Variants in NCAM2 observed in about 807,000 individuals in gnomAD.
NCAM2 encodes N-CAM-2.
NCAM2 carries 30 observed loss-of-function variants against 98.1 expected under a neutral mutation model. The ratio of observed to expected loss-of-function variants is 0.31; its 90% confidence interval spans 0.23 to 0.41. The LOEUF is 0.41. Among genes scored for constraint, NCAM2 ranks in the 10% least tolerant of loss-of-function variants. The pLI, the probability that NCAM2 is intolerant of heterozygous loss-of-function variation, is 1.00. For synonymous variants in NCAM2, 368 were observed against 342.4 expected, an observed-to-expected ratio of 1.07 and a Z score of -0.83; for missense variants, 867 against 1,005.8, an observed-to-expected ratio of 0.86 and a Z score of 1.87.
At chr21:21,050,088 T>C (rs949360059) in intron 1 of NCAM2, among the ~76,000 whole-genome samples, 1 of 151,950 alleles carries the variant, frequency 6.6e-6, no homozygotes, top group Non-Finnish European at 1.5e-5. Flanking sequence ...AACTAGACTT[T>C]GCAAAATTTG....
At chr21:21,350,873 G>T (rs2075315127) in intron 8 of NCAM2, among the ~76,000 whole-genome samples, 1 of 150,290 alleles carries the variant, frequency 6.7e-6, no homozygotes, top group Admixed American at 6.6e-5. Context: ...GGATCACGAG[G>T]TCAGGAGATG....
intron 5 of NCAM2, among the ~76,000 whole-genome samples, chr21:21,297,060 T>G (rs2073514184): frequency 6.6e-6 from 1 of 151,712 alleles, no homozygotes; most frequent in Non-Finnish European, 1.5e-5. Flanking sequence ...TACCTAAGGT[T>G]TTTGGACTTA....
intron 1 of NCAM2, among the ~76,000 whole-genome samples, chr21:21,166,701 T>G (rs2067963537): frequency 1.3e-5 from 2 of 152,320 alleles, no homozygotes; most frequent in East Asian, 3.9e-4. Flanking sequence ...ACCCAGTCAT[T>G]AAAAGTTATT....
chr21:21,473,424 T>C (rs1397065365), intron 14 of NCAM2, among the ~76,000 whole-genome samples: 1 of 147,828 alleles, frequency 6.8e-6, no homozygotes, highest in Non-Finnish European at 1.5e-5. Context: ...ATCAATCACC[T>C]CTCTGACATT....
chr21:21,099,280 C>T (rs188954254), intron 1 of NCAM2, among the ~76,000 whole-genome samples: 1 of 151,876 alleles, frequency 6.6e-6, no homozygotes, highest in South Asian at 2.1e-4. Context: ...TTGGTGTCAC[C>T]TGGCTCAGGC....
chr21:21,132,617 T>C (rs1421747461), intron 1 of NCAM2, among the ~76,000 whole-genome samples: 1 of 152,208 alleles, frequency 6.6e-6, no homozygotes, highest in Non-Finnish European at 1.5e-5. Context: ...AAATAACTTA[T>C]TACTAAATTC....
intron 1 of NCAM2, chr21:21,210,762 G>T (rs2069621410): frequency 1.5e-6 from 1 of 682,422 alleles, no homozygotes; most frequent in African/African-American, 2.0e-5. Flanking sequence ...GCAATGAGGT[G>T]GAGAACATCT....
intron 15 of NCAM2, among the ~76,000 whole-genome samples, chr21:21,508,366 T>C (rs1988121437): frequency 6.6e-6 from 1 of 152,142 alleles, no homozygotes. Context: ...ACCATCCATT[T>C]TCAAGTTTAA....
At chr21:21,075,007 A>G (rs1316552943) in intron 1 of NCAM2, among the ~76,000 whole-genome samples, 1 of 152,252 alleles carries the variant, frequency 6.6e-6, no homozygotes, top group Admixed American at 6.5e-5. Context: ...CTATGCAGCC[A>G]TAAAAAAGGA....
chr21:21,430,049 A>G (rs1490314865), intron 11 of NCAM2, among the ~76,000 whole-genome samples: 1 of 151,928 alleles, frequency 6.6e-6, no homozygotes, highest in Non-Finnish European at 1.5e-5. Context: ...TATTTTTGAG[A>G]TAGAGTCTCT....
intron 1 of NCAM2, among the ~76,000 whole-genome samples, chr21:21,066,099 A>C (rs554649491): frequency 6.6e-6 from 1 of 152,292 alleles, no homozygotes; most frequent in Admixed American, 6.5e-5. Flanking sequence ...ATACTTCTTC[A>C]TGGGATATTC....
intron 1 of NCAM2, among the ~76,000 whole-genome samples, chr21:21,187,168 G>A (rs944677001): frequency 6.6e-6 from 1 of 151,978 alleles, no homozygotes; most frequent in Non-Finnish European, 1.5e-5. Flanking sequence ...AGGTTGCAGT[G>A]AGCCAAGATA....
At chr21:21,100,479 T>A (rs948734690) in intron 1 of NCAM2, among the ~76,000 whole-genome samples, 1 of 151,886 alleles carries the variant, frequency 6.6e-6, no homozygotes, top group Admixed American at 6.6e-5. Flanking sequence ...CCAGAAAACA[T>A]GATGCCGTGT....
intron 5 of NCAM2, among the ~76,000 whole-genome samples, chr21:21,295,589 A>G (rs2073447813): frequency 6.6e-6 from 1 of 151,788 alleles, no homozygotes; most frequent in South Asian, 2.1e-4. Context: ...AAAACATCAC[A>G]TATTTTCTCT....
intron 16 of NCAM2, among the ~76,000 whole-genome samples, chr21:21,517,445 C>A (rs1203831750): frequency 6.6e-6 from 1 of 152,124 alleles, no homozygotes; most frequent in Non-Finnish European, 1.5e-5. Context: ...TCCTTCTATT[C>A]TGTAGATAGT....
intron 9 of NCAM2, among the ~76,000 whole-genome samples, chr21:21,383,401 A>G (rs919557759): frequency 6.6e-6 from 1 of 152,162 alleles, no homozygotes; most frequent in Non-Finnish European, 1.5e-5. Flanking sequence ...AACATTATGT[A>G]TGCTTTTTTC....
chr21:21,193,728 T>C lies in NCAM2; in HGVS notation c.56-86850T>C, dbSNP rs567448168. ...CCAGGATGGTCTTGATCTGTTGACC[T>C]CATGATCCGCCCACCTCGGCCTCCC... is the stretch of plus-strand genomic sequence containing the variant. On this transcript the variant is annotated intron_variant, in intron 1 of 17. Coordinates refer to ENST00000400546, the MANE Select transcript of NCAM2 (RefSeq NM_004540.5). Among the ~76,000 whole-genome samples the C allele has an allele frequency of 3.9e-5, 6 of 152,158 alleles. No homozygotes were observed. In the South Asian group the frequency reaches 8.3e-4, roughly 21 times the overall value.
chr21:21,543,142 G>A lies in NCAM2; in HGVS notation c.*5185G>A, dbSNP rs775363506. On this transcript the variant is annotated 3_prime_UTR_variant, in exon 18 of 18. Coordinates refer to ENST00000400546, the MANE Select transcript of NCAM2 (RefSeq NM_004540.5). ...ATATTCTTAAGTTAGCTACCACAACGTTTTCTTATTGTTTCAATATGGTAT... is the reference window on the plus strand; with the variant it reads ...ATATTCTTAAGTTAGCTACCACAACATTTTCTTATTGTTTCAATATGGTAT... 1 of 151,376 alleles carries A rather than the reference G, an allele frequency of 6.6e-6. No individual in the cohort carries two copies. Among genetic ancestry groups the A allele is most frequent in the Non-Finnish European group, 1.5e-5 (1 of 67,754 alleles). 9.4% of individuals were successfully genotyped at this position (151,376 alleles called of 1,614,324 possible).
At chr21:21,435,583 C>A (rs1365155017) in intron 12 of NCAM2, among the ~76,000 whole-genome samples, 1 of 152,142 alleles carries the variant, frequency 6.6e-6, no homozygotes, top group African/African-American at 2.4e-5. Flanking sequence ...ACATCTTCTT[C>A]TTTAACTCTG....
Sources: gnomAD v4.1 joint callset for allele counts (sites outside exome capture counted in the v4.1 genomes callset) on GRCh38, gnomAD v4.1.1 for gene constraint, MANE v1.5 for transcripts, NCBI Gene and HGNC (gene_info 2026-07-23, HGNC 2026-07-21) for gene names.